TAFA5: variants seen among roughly 807,000 people sequenced by gnomAD.
TAFA5 encodes the protein chemokine-like protein TAFA-5.
Under a neutral mutation model 15.3 loss-of-function variants are expected in TAFA5, and 6 were observed. The ratio of observed to expected loss-of-function variants is 0.39; its 90% CI spans 0.21 to 0.77. The LOEUF (loss-of-function observed/expected upper bound fraction) is 0.77, where lower values mean the gene tolerates loss of function less well. Ranked by LOEUF, TAFA5 falls within the 30% of genes least tolerant of loss-of-function variation. The pLI is 0.41. For synonymous variants in TAFA5, 103 were observed against 80.7 expected (o/e 1.28, Z -1.48); for missense variants, 161 against 193.1 (o/e 0.83, Z 0.98).
At chr22:48,515,324 G>A (rs1220442683) in intron 1 of TAFA5, among the ~76,000 whole-genome samples, 2 of 152,228 alleles carry the variant, frequency 1.3e-5, no homozygotes, top group African/African-American at 4.8e-5. Flanking sequence ...GGCTTGCGCA[G>A]GCAGCGTCCT....
chr22:48,743,788 C>T (rs1253966970), intron 3 of TAFA5, among the ~76,000 whole-genome samples: 3 of 152,168 alleles, frequency 2.0e-5, no homozygotes, highest in Non-Finnish European at 4.4e-5. Flanking sequence ...TCGTCTTTGC[C>T]GCCCTCCTGA....
At chr22:48,744,113 CG>C (rs1930259243) in intron 3 of TAFA5, among the ~76,000 whole-genome samples, 1 of 152,194 alleles carries the variant, frequency 6.6e-6, no homozygotes, top group Non-Finnish European at 1.5e-5. Flanking sequence ...CCCCACGGCA[CG>C]GGGGTGGCCT....
At chr22:48,644,790 C>T (rs1313732345) in intron 1 of TAFA5, among the ~76,000 whole-genome samples, 1 of 152,190 alleles carries the variant, frequency 6.6e-6, no homozygotes, top group Non-Finnish European at 1.5e-5. Flanking sequence ...AGCACCCGGG[C>T]ATTGCCTGCA....
At chr22:48,674,009 C>CACCTCACATCT (rs1569074103) in intron 2 of TAFA5, among the ~76,000 whole-genome samples, 5 of 151,606 alleles carry the variant, frequency 3.3e-5, no homozygotes, top group Non-Finnish European at 7.4e-5. Context: ...ACTTTTTGCC[C>CACCTCACATCT]GCCTCACATC....
At chr22:48,706,026 C>G (rs569295050) in intron 2 of TAFA5, among the ~76,000 whole-genome samples, 2 of 152,132 alleles carry the variant, frequency 1.3e-5, no homozygotes, top group African/African-American at 2.4e-5. Flanking sequence ...TGAAAGGGAC[C>G]GGGGCTGCAG....
intron 2 of TAFA5, among the ~76,000 whole-genome samples, chr22:48,682,402 C>T (rs2147231383): frequency 6.6e-6 from 1 of 152,330 alleles, no homozygotes; most frequent in Admixed American, 6.5e-5. Context: ...ACATCTGCCC[C>T]TCCACCCAGA....
intron 1 of TAFA5, among the ~76,000 whole-genome samples, chr22:48,620,320 C>A (rs771998998): frequency 2.6e-4 from 40 of 152,100 alleles, no homozygotes; most frequent in Non-Finnish European, 4.9e-4. Flanking sequence ...GCAAACCTCT[C>A]CTCTTATTTC....
At chr22:48,514,149 G>A (rs966573697) in intron 1 of TAFA5, among the ~76,000 whole-genome samples, 8 of 152,164 alleles carry the variant, frequency 5.3e-5, no homozygotes, top group African/African-American at 9.7e-5. Context: ...GCCCGGCCGC[G>A]GAGTTGCCGC....
chr22:48,643,485 GCACTT>G (rs1312713627), intron 1 of TAFA5, among the ~76,000 whole-genome samples: 2 of 152,114 alleles, frequency 1.3e-5, no homozygotes, highest in African/African-American at 4.8e-5. Context: ...CCTCCAGTGT[GCACTT>G]TGGTGTGGCC....
intron 1 of TAFA5, among the ~76,000 whole-genome samples, chr22:48,615,804 G>A (rs950220958): frequency 3.9e-5 from 6 of 152,178 alleles, no homozygotes; most frequent in Admixed American, 2.0e-4. Context: ...TGGAGGTACA[G>A]CTCCTGTCCG....
intron 1 of TAFA5, among the ~76,000 whole-genome samples, chr22:48,511,595 A>G (rs1305481995): frequency 6.6e-6 from 1 of 152,222 alleles, no homozygotes; most frequent in African/African-American, 2.4e-5. Flanking sequence ...TGTTTTCTCC[A>G]ACAGACAGAG....
intron 1 of TAFA5, among the ~76,000 whole-genome samples, chr22:48,582,104 C>T (rs890074038): frequency 2.0e-5 from 3 of 152,034 alleles, no homozygotes; most frequent in African/African-American, 7.3e-5. Flanking sequence ...GGGCAGGCGG[C>T]CCTTTCCTCG....
At chr22:48,695,621 C>T (rs1006036392) in intron 2 of TAFA5, among the ~76,000 whole-genome samples, 6 of 152,210 alleles carry the variant, frequency 3.9e-5, no homozygotes, top group South Asian at 2.1e-4. Flanking sequence ...CTCCCTGTGA[C>T]GTCAGACCAA....
At chr22:48,518,210 G>A (rs1159555857) in intron 1 of TAFA5, among the ~76,000 whole-genome samples, 1 of 152,212 alleles carries the variant, frequency 6.6e-6, no homozygotes, top group African/African-American at 2.4e-5. Flanking sequence ...AGGAGCCCAC[G>A]TGGGATCTGG....
chr22:48,744,151 G>T (rs16999829), intron 3 of TAFA5, among the ~76,000 whole-genome samples: 40 of 152,284 alleles, frequency 2.6e-4, no homozygotes, highest in African/African-American at 4.6e-4. Context: ...GTCTTCGGCC[G>T]TGAGGAAGGG....
At chr22:48,738,072 C>T (rs1205419574) in intron 3 of TAFA5, among the ~76,000 whole-genome samples, 1 of 152,050 alleles carries the variant, frequency 6.6e-6, no homozygotes, top group Non-Finnish European at 1.5e-5. Context: ...GTCCAGGAAC[C>T]CACCTTTGGA....
At chr22:48,581,361 C>T in intron 1 of TAFA5, among the ~76,000 whole-genome samples, 1 of 152,240 alleles carries the variant, frequency 6.6e-6, no homozygotes, top group East Asian at 1.9e-4. Context: ...TCCCACTGCA[C>T]ACTCGGGAGG....
At chr22:48,520,779 C>T (rs936245607) in intron 1 of TAFA5, among the ~76,000 whole-genome samples, 1 of 152,132 alleles carries the variant, frequency 6.6e-6, no homozygotes, top group African/African-American at 2.4e-5. Context: ...CTTCCATGTC[C>T]TCTCATCTGG....
rs529907210 is a variant in TAFA5, at chr22:48,716,490, G to A, written c.390+8646G>A. ...CAATGAGAACACATGGACACCAGGA[G>A]GGGAACATCACACACCAGGGCCTGT... is the stretch of plus-strand genomic sequence containing the variant. On this transcript the variant is annotated intron_variant, in intron 3 of 3. Coordinates refer to ENST00000402357, the MANE Select transcript of TAFA5 (RefSeq NM_001082967.3). 4.6e-5 allele frequency among the ~76,000 whole-genome samples: 7 copies of A among 152,288 alleles called. No individual in the cohort carries two copies. In the South Asian group the frequency reaches 6.2e-4, roughly 14 times the overall value.
Sources: allele counts gnomAD v4.1 joint callset (sites outside exome capture counted in the v4.1 genomes callset), GRCh38; gene constraint gnomAD v4.1.1; transcripts MANE v1.5; gene names NCBI Gene and HGNC (gene_info 2026-07-23, HGNC 2026-07-21).